The following GNAI1 variants were observed in gnomAD, a reference collection of about 807,000 sequenced individuals.
The protein encoded by GNAI1 is guanine nucleotide-binding protein G(i) subunit alpha-1.
In GNAI1, 11 loss-of-function variants were observed where a neutral mutation model predicts 38.9. The observed-to-expected ratio is 0.28, with a 90% CI of 0.18 to 0.47. GNAI1 has a LOEUF of 0.47. Among genes scored for constraint, GNAI1 ranks in the 20% least tolerant of loss-of-function variants. GNAI1 has a pLI of 0.99. For synonymous variants in GNAI1, 166 were observed against 145.1 expected, an observed-to-expected ratio of 1.14 and a Z score of -1.04; for missense variants, 317 against 436.9, an observed-to-expected ratio of 0.73 and a Z score of 2.45.
At chr7:80,176,623 C>T (rs1364502415) in intron 1 of GNAI1, among the ~76,000 whole-genome samples, 1 of 152,090 alleles carries the variant, frequency 6.6e-6, no homozygotes, top group African/African-American at 2.4e-5. Flanking sequence ...TTCTGTATAT[C>T]CTAGAGCCCT....
intron 1 of GNAI1, among the ~76,000 whole-genome samples, chr7:80,152,160 A>G (rs1787738790): frequency 6.6e-6 from 1 of 152,150 alleles, no homozygotes; most frequent in Admixed American, 6.6e-5. Context: ...CCCAAGACAT[A>G]CTGCTAGTAC....
At chr7:80,168,727 A>G (rs1001090549) in intron 1 of GNAI1, among the ~76,000 whole-genome samples, 4 of 152,130 alleles carry the variant, frequency 2.6e-5, no homozygotes. Flanking sequence ...GTACAGTCAC[A>G]TTGTTGTTCA....
chr7:80,166,522 G>T (rs1476225623), intron 1 of GNAI1, among the ~76,000 whole-genome samples: 1 of 152,120 alleles, frequency 6.6e-6, no homozygotes, highest in Non-Finnish European at 1.5e-5. Flanking sequence ...GTGTTTAGAA[G>T]ATAGTTGGAG....
At chr7:80,176,558 C>G (rs561719364) in intron 1 of GNAI1, among the ~76,000 whole-genome samples, 2 of 152,208 alleles carry the variant, frequency 1.3e-5, no homozygotes, top group Non-Finnish European at 2.9e-5. Context: ...CAGACTTACT[C>G]TCTTGTTAGG....
In GNAI1 at chr7:80,224,930, ATTATAT is replaced by A. The variant is rs901719313; in HGVS notation, c.*7440_*7445del. 3.3e-5 allele frequency among the ~76,000 whole-genome samples: 5 copies of A among 152,126 alleles called. No homozygotes were observed. The highest frequency in any genetic ancestry group is 5.9e-5 in the Non-Finnish European group (4 of 68,010). On this transcript the variant is annotated 3_prime_UTR_variant, in exon 8 of 8. Coordinates refer to ENST00000649796, the MANE Select transcript of GNAI1 (RefSeq NM_002069.6). ...AAAATAGGTACTCATGTGTCTTTGCATTATATTTGTATTTGGGAAATGAAATGCTTT... is the reference window on the plus strand; with the variant it reads ...AAAATAGGTACTCATGTGTCTTTGCATTGTATTTGGGAAATGAAATGCTTT...
At chr7:80,152,188 C>T (rs76762498) in intron 1 of GNAI1, among the ~76,000 whole-genome samples, 6,280 of 152,164 alleles carry the variant, frequency 0.041, 215 homozygotes, top group African/African-American at 0.096. Context: ...TGCTGGGTGT[C>T]GTCTCCTTCT....
chr7:80,216,937 C>G (rs1459484297), intron 7 of GNAI1, among the ~76,000 whole-genome samples: 1 of 151,996 alleles, frequency 6.6e-6, no homozygotes, highest in East Asian at 1.9e-4. Context: ...ACCATTGGGC[C>G]AGAACTGAAA....
chr7:80,149,833 A>G (rs1466349334), intron 1 of GNAI1, among the ~76,000 whole-genome samples: 1 of 152,200 alleles, frequency 6.6e-6, no homozygotes, highest in Non-Finnish European at 1.5e-5. Context: ...TAAAATTTAC[A>G]TAATTTTATA....
chr7:80,172,824 T>A (rs12540692), intron 1 of GNAI1, among the ~76,000 whole-genome samples: 45,996 of 152,064 alleles, frequency 0.3, 8,246 homozygotes, highest in Admixed American at 0.38. Context: ...AAATTTTTTT[T>A]AAAAAACTTT....
rs141050594 is a variant in GNAI1, at chr7:80,136,402, T to C, written c.118+1124T>C. On this transcript the variant is annotated intron_variant, in intron 1 of 7. Transcript: ENST00000649796. ...CTGTTTTCAGTAAGCTTCTGTTTCA[T>C]TGGTTTAATGACTGCAGAAAAAATG... Among the ~76,000 whole-genome samples the C allele has an allele frequency of 6.3e-3, 965 of 152,338 alleles. 2 individuals are homozygous for C. The highest frequency in any genetic ancestry group is 0.01 in the Non-Finnish European group (689 of 68,026).
intron 1 of GNAI1, among the ~76,000 whole-genome samples, chr7:80,140,378 A>G (rs771483255): frequency 2.0e-5 from 3 of 152,228 alleles, no homozygotes; most frequent in Non-Finnish European, 4.4e-5. Flanking sequence ...GATGTTATTT[A>G]AACCTGAAAA....
intron 1 of GNAI1, among the ~76,000 whole-genome samples, chr7:80,173,044 A>G (rs894366590): frequency 6.6e-6 from 1 of 152,172 alleles, no homozygotes; most frequent in African/African-American, 2.4e-5. Flanking sequence ...AAATGAGGCC[A>G]GAAGACAAGC....
At chr7:80,167,683 A>G (rs1411945121) in intron 1 of GNAI1, among the ~76,000 whole-genome samples, 3 of 152,254 alleles carry the variant, frequency 2.0e-5, no homozygotes, top group Non-Finnish European at 4.4e-5. Flanking sequence ...TTCCTTATAT[A>G]GAATCATTTA....
intron 1 of GNAI1, among the ~76,000 whole-genome samples, chr7:80,173,929 C>T (rs1474214011): frequency 1.3e-5 from 2 of 152,126 alleles, no homozygotes; most frequent in African/African-American, 2.4e-5. Context: ...ATATCAACCC[C>T]AGAGGCTCTC....
intron 1 of GNAI1, among the ~76,000 whole-genome samples, chr7:80,160,124 TGTAA>T (rs1787895693): frequency 1.3e-5 from 2 of 152,212 alleles, no homozygotes; most frequent in Admixed American, 6.5e-5. Context: ...TGTCTGCTTC[TGTAA>T]GTATCACATC....
In GNAI1 at chr7:80,203,121, CAGAG is replaced by C. The variant is rs953998566; in HGVS notation, c.462-580_462-577del. Among the ~76,000 whole-genome samples, 4 of 152,220 alleles carry C rather than the reference CAGAG, an allele frequency of 2.6e-5. No individual in the cohort carries two copies. The South Asian group carries it at 6.2e-4, about 24-fold the overall frequency. On this transcript the variant is annotated intron_variant, in intron 4 of 7. Coordinates refer to ENST00000649796, the MANE Select transcript of GNAI1 (RefSeq NM_002069.6). ...ATCACAACATATGTAGCACCAGTGGCAGAGAGTATTACATGAGTGACTAAAACAT... is the reference window on the plus strand; with the variant it reads ...ATCACAACATATGTAGCACCAGTGGCAGTATTACATGAGTGACTAAAACAT...
At chr7:80,165,792 T>G (rs1205479458) in intron 1 of GNAI1, among the ~76,000 whole-genome samples, 1 of 152,296 alleles carries the variant, frequency 6.6e-6, no homozygotes, top group South Asian at 2.1e-4. Flanking sequence ...TCTCTCAAAA[T>G]TTCTGATTTG....
chr7:80,168,877 T>C (rs1360074359), intron 1 of GNAI1, among the ~76,000 whole-genome samples: 2 of 152,200 alleles, frequency 1.3e-5, no homozygotes. Flanking sequence ...TTTACCCTAC[T>C]GGTTTGACTA....
At chr7:80,140,375 T>G (rs75811463) in intron 1 of GNAI1, among the ~76,000 whole-genome samples, 3,608 of 152,316 alleles carry the variant, frequency 0.024, 149 homozygotes, top group African/African-American at 0.081. Flanking sequence ...ATAGATGTTA[T>G]TTAAACCTGA....
Sources: gnomAD v4.1 joint callset for allele counts (sites outside exome capture counted in the v4.1 genomes callset) on GRCh38, gnomAD v4.1.1 for gene constraint, MANE v1.5 for transcripts, NCBI Gene and HGNC (gene_info 2026-07-23, HGNC 2026-07-21) for gene names.